Variants in PCYT2 observed in about 807,000 individuals in gnomAD.
PCYT2 encodes phosphate cytidylyltransferase 2, ethanolamine, also known as ethanolamine-phosphate cytidylyltransferase.
Under a neutral mutation model 50.0 loss-of-function variants are expected in PCYT2, and 33 were observed. The observed-to-expected ratio is 0.66, with a 90% CI of 0.50 to 0.88. The LOEUF is 0.88. PCYT2 is among the 40% of genes least tolerant of loss of function. The pLI is 0.00. For synonymous variants in PCYT2, 240 were observed against 203.7 expected (o/e 1.18, Z -1.52); for missense variants, 430 against 519.7 (o/e 0.83, Z 1.68).
rs746246269 is a variant in PCYT2 at position 81,905,396 on chromosome 17, A to G, written c.955T>C (p.Ser319Pro). Residue 319 changes from serine to proline, a missense_variant, in exon 11 of 13, where the codon TCC (serine) becomes CCC (proline). Ser to Pro is a moderately conservative substitution (Grantham distance 74). Around this residue, in one of 4 missense-constraint regions of PCYT2, gnomAD observed 248 missense variants for 300.2 expected, o/e 0.83. Coordinates refer to ENST00000538936, the MANE Select transcript of PCYT2 (RefSeq NM_002861.5). ...KTEIIPDRDGSDPYQEPKRRG... is the reference protein window; with the variant it reads ...KTEIIPDRDGPDPYQEPKRRG... ...GCATGACCCACCTGGTATGGGTCGG[A>G]GCCATCCCTGTCAGGGATAATTTCT... The G allele has an allele frequency of 1.4e-5, 22 of 1,561,158 alleles. 1 individual carries two copies. The South Asian group carries it at 2.6e-4, about 18-fold the overall frequency.
At position 81,902,584 on chromosome 17, in the gene PCYT2, CG is replaced by C. The variant is rs756719813; in HGVS notation, c.*2248del. ...CGGCGGCAGGACGTGGGTGGGGGTG[CG>C]GCGGCCCCTCAGCCTTTGCTTGCCT... On this transcript the variant is annotated 3_prime_UTR_variant, in exon 13 of 13. Coordinates refer to ENST00000538936, the MANE Select transcript of PCYT2 (RefSeq NM_002861.5). 22 of 1,520,290 alleles carry C rather than the reference CG, an allele frequency of 1.4e-5. No individual in the cohort carries two copies. In the Admixed American group the frequency reaches 4.6e-4, roughly 32 times the overall value. 94.2% of individuals were successfully genotyped at this position (1,520,290 alleles called of 1,614,324 possible). A position where few individuals can be genotyped will look rare whatever the true frequency, so the allele number is the denominator to read the frequency against.
rs745440063 is a variant in PCYT2 at position 81,909,012 on chromosome 17, G to A, written c.204C>T (p.Pro68=). The change falls in exon 3 of 13, where the codon CCC becomes CCT. Residue 68 remains proline, a synonymous_variant. Transcript: ENST00000538936. ...TDEEIAKHKG[P]PVFTQEERYK... Reference sequence around the variant, plus strand: ...ATCTCTCCTCCTGAGTGAACACCGGGGGCCCCTTGTGCTTGGCGATCTCCT... The same window carrying A: ...ATCTCTCCTCCTGAGTGAACACCGGAGGCCCCTTGTGCTTGGCGATCTCCT... 3 of 1,613,838 alleles carry A rather than the reference G, an allele frequency of 1.9e-6. No homozygotes were observed. The highest frequency in any genetic ancestry group is 2.5e-6 in the Non-Finnish European group (3 of 1,179,968).
chr17:81,909,398 C>T, intron 2 of PCYT2, 116 bp downstream of exon 2: 1 of 1,443,270 alleles, frequency 6.9e-7, no homozygotes, highest in South Asian at 1.3e-5. Flanking sequence ...CCTACAGTGC[C>T]CTCCCCTACA....
intron 5 of PCYT2, 52 bp downstream of exon 5, chr17:81,907,721 T>C: frequency 6.3e-7 from 1 of 1,598,114 alleles, no homozygotes; most frequent in Non-Finnish European, 8.6e-7. Context: ...TGCCCCTCCT[T>C]TCCCCTGGAG....
In PCYT2 at chr17:81,901,864, C is replaced by T. The variant is rs1218334605; in HGVS notation, c.*2969G>A. On this transcript the variant is annotated 3_prime_UTR_variant, in exon 13 of 13. Transcript: ENST00000538936. Reference sequence around the variant, plus strand: ...AGAATACCCCTTAGGGTGGTAGAAACCGCCCCCGGGGCACTGTGCAGTGTG... The same window carrying T: ...AGAATACCCCTTAGGGTGGTAGAAATCGCCCCCGGGGCACTGTGCAGTGTG... The T allele has an allele frequency of 6.3e-6, 1 of 157,806 alleles. No individual in the cohort carries two copies. Among genetic ancestry groups the T allele is most frequent in the Non-Finnish European group, 1.4e-5 (1 of 71,914 alleles). The allele number at this position is 157,806 out of a possible 1,614,324, so 9.8% of individuals were successfully genotyped here. A position where few individuals can be genotyped will look rare whatever the true frequency, so the allele number is the denominator to read the frequency against.
At chr17:81,909,480 G>A in intron 2 of PCYT2, 34 bp downstream of exon 2, 1 of 1,577,766 alleles carries the variant, frequency 6.3e-7, no homozygotes, top group East Asian at 2.2e-5. Flanking sequence ...GGAGGGCTGG[G>A]GGGCCGCGGG....
intron 11 of PCYT2, 100 bp downstream of exon 11, chr17:81,905,282 C>T (rs995098011): frequency 1.7e-5 from 22 of 1,323,966 alleles, no homozygotes; most frequent in East Asian, 1.3e-4. Flanking sequence ...GGAGCAGCTG[C>T]GCCACCATGC....
intron 9 of PCYT2, 148 bp downstream of exon 9, chr17:81,905,952 T>C (rs2040240080): frequency 1.3e-6 from 1 of 753,624 alleles, no homozygotes; most frequent in South Asian, 1.7e-5. Context: ...AACAAACAGG[T>C]ATGGGCAGGT....
intron 9 of PCYT2, 142 bp from the exon 10 acceptor site, chr17:81,905,877 T>C: frequency 1.1e-6 from 1 of 892,284 alleles, no homozygotes; most frequent in Admixed American, 1.9e-5. Context: ...TGGGGACCCC[T>C]GGGGCTCCTC....
At chr17:81,904,973 A>C (rs2040166318) in intron 12 of PCYT2, 29 bp from the exon 13 acceptor site, 1 of 1,596,266 alleles carries the variant, frequency 6.3e-7, no homozygotes, top group Admixed American at 1.7e-5. Flanking sequence ...TCTAGCAGAG[A>C]GCGCCCATGA....
In PCYT2 at chr17:81,902,636, A is replaced by G. The variant is rs750497920; in HGVS notation, c.*2197T>C. 6.3e-7 allele frequency: 1 copy of G among 1,599,348 alleles called. No individual in the cohort carries two copies. The highest frequency in any genetic ancestry group is 8.5e-7 in the Non-Finnish European group (1 of 1,175,644). On this transcript the variant is annotated 3_prime_UTR_variant, in exon 13 of 13. Transcript: ENST00000538936. ...GCCCCCCAGGCTGTGTGCGTCCAGG[A>G]CGTCGCCCCAAACCTGCAGAGGTGC...
In PCYT2 at chr17:81,908,867, G is replaced by C. The variant is rs374644366; in HGVS notation, c.340+9C>G. 2 of 1,610,658 alleles carry C rather than the reference G, an allele frequency of 1.2e-6. No homozygotes were observed. The highest frequency in any genetic ancestry group is 2.2e-5 in the East Asian group (1 of 44,818). On this transcript the variant is annotated intron_variant, in intron 3 of 12. Coordinates refer to ENST00000538936, the MANE Select transcript of PCYT2 (RefSeq NM_002861.5). ...CCCCAGGCCCCCAGGTCCCAGCCCC[G>C]CCACTCACTGCCGTGAACACAGAAG...
In PCYT2 at chr17:81,904,555, C is replaced by G. The variant is rs534499731; in HGVS notation, c.*278G>C. On this transcript the variant is annotated 3_prime_UTR_variant, in exon 13 of 13. Transcript: ENST00000538936. ...GGGGCATCCGGGGACCAGGTGGGGG[C>G]GCACGCAGGAGCGGTGCGTTTCAGG... 15 of 429,172 alleles carry G rather than the reference C, an allele frequency of 3.5e-5. No individual in the cohort carries two copies. The South Asian group carries it at 5.2e-4, about 15-fold the overall frequency. The allele number at this position is 429,172 out of a possible 1,614,324, so 26.6% of individuals were successfully genotyped here. A position where few individuals can be genotyped will look rare whatever the true frequency, so the allele number is the denominator to read the frequency against.
At chr17:81,908,125 G>A (rs1257460688) in intron 4 of PCYT2, among the ~76,000 whole-genome samples, 2 of 152,184 alleles carry the variant, frequency 1.3e-5, no homozygotes, top group South Asian at 2.1e-4. Flanking sequence ...GCCAGGGAGA[G>A]GATGGGCACT....
Position 81,903,975 on chromosome 17 carries a change from G to A in PCYT2, c.*858C>T, listed in dbSNP as rs1016510162. On this transcript the variant is annotated 3_prime_UTR_variant, in exon 13 of 13. Coordinates refer to ENST00000538936, the MANE Select transcript of PCYT2 (RefSeq NM_002861.5). ...CTGCTCCAGGCGGGCCGTGACAGGG[G>A]TGTGGGAGACAGAGATCCCATGGCC... is the stretch of plus-strand genomic sequence containing the variant. 6.6e-6 allele frequency: 1 copy of A among 152,294 alleles called. No individual in the cohort carries two copies. The highest frequency in any genetic ancestry group is 1.5e-5 in the Non-Finnish European group (1 of 68,072). The allele number at this position is 152,294 out of a possible 1,614,324, so 9.4% of individuals were successfully genotyped here. A position where few individuals can be genotyped will look rare whatever the true frequency, so the allele number is the denominator to read the frequency against.
chr17:81,902,487 C>T lies in PCYT2; in HGVS notation c.*2346G>A, dbSNP rs2039991735. 3 of 1,401,008 alleles carry T rather than the reference C, an allele frequency of 2.1e-6. No homozygotes were observed. The highest frequency in any genetic ancestry group is 1.5e-5 in the African/African-American group (1 of 65,590). 86.8% of individuals were successfully genotyped at this position (1,401,008 alleles called of 1,614,324 possible). Reference sequence around the variant, plus strand: ...CGGAACCCCCGGGCGGGGCCGGCGCCTCCCCGGAGCTGCAACTGCACCCCA... The same window carrying T: ...CGGAACCCCCGGGCGGGGCCGGCGCTTCCCCGGAGCTGCAACTGCACCCCA... On this transcript the variant is annotated 3_prime_UTR_variant, in exon 13 of 13. Transcript: ENST00000538936.
rs567821317 is a variant in PCYT2, at chr17:81,910,295, A to G, written c.90-693T>C. On this transcript the variant is annotated intron_variant, in intron 1 of 12. Coordinates refer to ENST00000538936, the MANE Select transcript of PCYT2 (RefSeq NM_002861.5). Reference sequence around the variant, plus strand: ...CCTGGCTTCTTCGCCACTTCTTTACAGCAGCGGCCCATCCCCTCAAGTGGA... The same window carrying G: ...CCTGGCTTCTTCGCCACTTCTTTACGGCAGCGGCCCATCCCCTCAAGTGGA... Among the ~76,000 whole-genome samples, 4 of 152,296 alleles carry G rather than the reference A, an allele frequency of 2.6e-5. No homozygotes were observed. In the East Asian group the frequency reaches 7.7e-4, roughly 29 times the overall value.
Position 81,901,075 on chromosome 17 carries a change from A to G in PCYT2, c.*3758T>C, listed in dbSNP as rs1284822065. On this transcript the variant is annotated 3_prime_UTR_variant, in exon 13 of 13. Transcript: ENST00000538936. ...AGGAAGCCAGTCTGAGTCCCAAAAC[A>G]AAAGTAGAGAAGCCGATAGTGCAGC... 6.6e-6 allele frequency: 1 copy of G among 152,228 alleles called. No homozygotes were observed. The highest frequency in any genetic ancestry group is 1.5e-5 in the Non-Finnish European group (1 of 68,036). 9.4% of individuals were successfully genotyped at this position (152,228 alleles called of 1,614,324 possible). A position where few individuals can be genotyped will look rare whatever the true frequency, so the allele number is the denominator to read the frequency against.
intron 10 of PCYT2, 90 bp from the exon 11 acceptor site, chr17:81,905,537 G>A: frequency 6.9e-7 from 1 of 1,440,802 alleles, no homozygotes; most frequent in Non-Finnish European, 9.6e-7. Flanking sequence ...GGTTGGGAGA[G>A]CTGACCCTGC....
Sources: allele counts gnomAD v4.1 joint callset (sites outside exome capture counted in the v4.1 genomes callset), GRCh38; gene constraint gnomAD v4.1.1; regional missense constraint gnomAD v4.1.1; transcripts MANE v1.5; gene names NCBI Gene and HGNC (gene_info 2026-07-23, HGNC 2026-07-21).